Variants in EYS observed in about 807,000 individuals in gnomAD.
The protein encoded by EYS is EGF-like photoreceptor maintenance factor, also known as protein eyes shut homolog.
In EYS, 250 loss-of-function variants were observed where a neutral mutation model predicts 282.1. That is an observed-to-expected ratio of 0.89 (90% CI 0.80 to 0.98). The LOEUF (loss-of-function observed/expected upper bound fraction) is 0.98. EYS is among the 50% of genes least tolerant of loss of function. The pLI is 0.00. For synonymous variants in EYS, 1,355 were observed against 1,282.9 expected, an observed-to-expected ratio of 1.06 and a Z score of -1.20; for missense variants, 4,016 against 3,709.0, an observed-to-expected ratio of 1.08 and a Z score of -2.15.
intron 31 of EYS, among the ~76,000 whole-genome samples, chr6:64,143,394 G>A (rs1464177195): frequency 6.9e-6 from 1 of 144,698 alleles, no homozygotes; most frequent in Non-Finnish European, 1.5e-5. Flanking sequence ...TATCACTGTA[G>A]TATGAGGTAT....
At chr6:63,886,817 A>G (rs1181453055) in intron 35 of EYS, among the ~76,000 whole-genome samples, 1 of 152,226 alleles carries the variant, frequency 6.6e-6, no homozygotes, top group African/African-American at 2.4e-5. Context: ...ACATTTTTCA[A>G]AAGTGCAAAA....
At chr6:64,425,895 A>C (rs1213361744) in intron 28 of EYS, among the ~76,000 whole-genome samples, 1 of 152,036 alleles carries the variant, frequency 6.6e-6, no homozygotes, top group Non-Finnish European at 1.5e-5. Flanking sequence ...GAAGGAATGG[A>C]AAGTAGAGAA....
chr6:64,842,919 T>C (rs1053789460), intron 19 of EYS, among the ~76,000 whole-genome samples: 4 of 152,086 alleles, frequency 2.6e-5, no homozygotes, highest in African/African-American at 9.7e-5. Flanking sequence ...AAATTCAAGC[T>C]GGCTGCAAAA....
At chr6:65,514,902 A>T (rs965368740) in intron 2 of EYS, among the ~76,000 whole-genome samples, 17 of 152,176 alleles carry the variant, frequency 1.1e-4, no homozygotes, top group Non-Finnish European at 1.9e-4. Context: ...TGTCTAAAAC[A>T]CCAAAAGCAA....
intron 12 of EYS, among the ~76,000 whole-genome samples, chr6:65,068,149 C>T (rs925524238): frequency 2.0e-5 from 3 of 152,034 alleles, no homozygotes; most frequent in Admixed American, 2.0e-4. Context: ...AGAGATTTTT[C>T]AAACCTATTT....
chr6:64,311,195 C>T (rs1466800892), intron 29 of EYS, among the ~76,000 whole-genome samples: 1 of 151,922 alleles, frequency 6.6e-6, no homozygotes, highest in East Asian at 1.9e-4. Flanking sequence ...GTTGGGAAAC[C>T]TTTTTTCCTT....
At chr6:65,266,989 T>TAGAGAGAGAGAGAG (rs1554173094) in intron 12 of EYS, among the ~76,000 whole-genome samples, 1 of 142,070 alleles carries the variant, frequency 7.0e-6, no homozygotes, top group Middle Eastern at 3.2e-3. Context: ...TATATATATA[T>TAGAGAGAGAGAGAG]AGAGAGAGAG....
At chr6:65,069,318 C>T (rs1042524590) in intron 12 of EYS, among the ~76,000 whole-genome samples, 4 of 152,048 alleles carry the variant, frequency 2.6e-5, no homozygotes, top group African/African-American at 9.6e-5. Flanking sequence ...TCCTTTGATG[C>T]CAACTTCCTT....
chr6:65,261,218 G>T (rs897949133), intron 12 of EYS, among the ~76,000 whole-genome samples: 5 of 151,610 alleles, frequency 3.3e-5, no homozygotes, highest in African/African-American at 7.3e-5. Context: ...TTAATCAATG[G>T]TTATTTTTTA....
chr6:65,041,167 G>T (rs1772922751), intron 13 of EYS, among the ~76,000 whole-genome samples: 1 of 151,614 alleles, frequency 6.6e-6, no homozygotes, highest in African/African-American at 2.4e-5. Context: ...TACTACAACA[G>T]ATAAACATTC....
chr6:65,438,111 G>GT (rs747117622), intron 5 of EYS, among the ~76,000 whole-genome samples: 16 of 150,292 alleles, frequency 1.1e-4, no homozygotes, highest in Non-Finnish European at 1.8e-4. Context: ...GTAGTGTTTG[G>GT]TTTTTTGTCT....
intron 22 of EYS, among the ~76,000 whole-genome samples, chr6:64,683,964 A>G (rs955499873): frequency 6.6e-6 from 1 of 152,268 alleles, no homozygotes; most frequent in Middle Eastern, 3.4e-3. Flanking sequence ...CTAGTCTGTA[A>G]ACGAAGGCAG....
chr6:65,015,032 C>T (rs975106897), intron 13 of EYS, among the ~76,000 whole-genome samples: 1 of 151,586 alleles, frequency 6.6e-6, no homozygotes, highest in Non-Finnish European at 1.5e-5. Flanking sequence ...GGTCATGAGC[C>T]CAGGAACAAA....
intron 12 of EYS, among the ~76,000 whole-genome samples, chr6:65,152,982 C>CA (rs112973520): frequency 0.049 from 6,623 of 133,836 alleles, 190 homozygotes; most frequent in Middle Eastern, 0.076. Context: ...TGTATTAGAC[C>CA]AAAAAAAAAA....
At chr6:63,826,108 A>G (rs1286825842) in intron 36 of EYS, among the ~76,000 whole-genome samples, 2 of 152,216 alleles carry the variant, frequency 1.3e-5, no homozygotes, top group Admixed American at 6.5e-5. Context: ...TGCTCTGGAA[A>G]GTCTTAACAA....
intron 12 of EYS, among the ~76,000 whole-genome samples, chr6:65,290,520 A>T (rs1001056662): frequency 6.6e-6 from 1 of 151,256 alleles, no homozygotes; most frequent in African/African-American, 2.4e-5. Context: ...TAACTCCAGT[A>T]ATATACATTA....
Position 64,918,095 on chromosome 6 carries a change from C to T in EYS, c.2382-5352G>A, listed in dbSNP as rs552966922. On this transcript the variant is annotated intron_variant, in intron 15 of 42. Transcript: ENST00000503581. ...TACATACCATCAACAAAATTATATT[C>T]ATACCGAATTATAACATGAACATTA... Among the ~76,000 whole-genome samples the T allele has an allele frequency of 1.4e-3, 208 of 152,156 alleles. 2 individuals are homozygous for T. Among genetic ancestry groups the T allele is most frequent in the African/African-American group, 4.8e-3 (200 of 41,524 alleles).
chr6:65,597,756 C>A (rs1765459911), intron 2 of EYS, among the ~76,000 whole-genome samples: 1 of 146,616 alleles, frequency 6.8e-6, no homozygotes, highest in Non-Finnish European at 1.5e-5. Context: ...TCCTTGAAAG[C>A]TGGTATCTGT....
At chr6:65,623,879 C>T (rs1009150878) in intron 2 of EYS, among the ~76,000 whole-genome samples, 1 of 152,118 alleles carries the variant, frequency 6.6e-6, no homozygotes, top group African/African-American at 2.4e-5. Context: ...GCATAACTCA[C>T]CTTTCTTGAA....
Sources: allele counts gnomAD v4.1 joint callset (sites outside exome capture counted in the v4.1 genomes callset), GRCh38; gene constraint gnomAD v4.1.1; transcripts MANE v1.5; gene names NCBI Gene and HGNC (gene_info 2026-07-23, HGNC 2026-07-21).